TBC1D32: variants seen among roughly 807,000 people sequenced by gnomAD.
TBC1D32 encodes TBC1 domain family member 32.
A neutral mutation model predicts 170.3 loss-of-function variants in TBC1D32; 151 were observed. The observed-to-expected ratio is 0.89, with a 90% CI of 0.78 to 1.01. The LOEUF (loss-of-function observed/expected upper bound fraction) is 1.01, where lower values mean the gene tolerates loss of function less well. Among genes scored for constraint, TBC1D32 ranks in the 50% least tolerant of loss-of-function variants. TBC1D32 has a pLI of 0.00. For synonymous variants in TBC1D32, 498 were observed against 488.0 expected, an observed-to-expected ratio of 1.02 and a Z score of -0.27; for missense variants, 1,464 against 1,457.1, an observed-to-expected ratio of 1.00 and a Z score of -0.08.
At chr6:121,117,115 G>T (rs532650841) in intron 26 of TBC1D32, among the ~76,000 whole-genome samples, 1 of 152,114 alleles carries the variant, frequency 6.6e-6, no homozygotes, top group African/African-American at 2.4e-5. Flanking sequence ...ACATTTGAAG[G>T]AATAAAAGTT....
chr6:121,174,012 A>C (rs959936075), intron 22 of TBC1D32, among the ~76,000 whole-genome samples: 1 of 152,166 alleles, frequency 6.6e-6, no homozygotes, highest in Non-Finnish European at 1.5e-5. Flanking sequence ...CTATGAATTA[A>C]ACAAGTTTGA....
At chr6:121,119,161 A>G (rs1429126021) in intron 26 of TBC1D32, among the ~76,000 whole-genome samples, 1 of 152,202 alleles carries the variant, frequency 6.6e-6, no homozygotes, top group Non-Finnish European at 1.5e-5. Context: ...ATTGACAATT[A>G]CCAAATTCAA....
chr6:121,256,546 C>A (rs1398974010), intron 15 of TBC1D32, among the ~76,000 whole-genome samples: 1 of 152,128 alleles, frequency 6.6e-6, no homozygotes, highest in Non-Finnish European at 1.5e-5. Flanking sequence ...GAGACCACAG[C>A]CATGTAGATA....
intron 20 of TBC1D32, among the ~76,000 whole-genome samples, chr6:121,238,490 T>C (rs886434180): frequency 1.4e-4 from 21 of 152,122 alleles, no homozygotes; most frequent in African/African-American, 4.1e-4. Flanking sequence ...TGAATAAAAA[T>C]TGTCTAAGCT....
intron 15 of TBC1D32, among the ~76,000 whole-genome samples, chr6:121,257,494 G>A (rs4946552): frequency 6.6e-6 from 1 of 151,970 alleles, no homozygotes; most frequent in African/African-American, 2.4e-5. Context: ...TCTGATTATA[G>A]CATTTAGTTT....
intron 24 of TBC1D32, among the ~76,000 whole-genome samples, chr6:121,149,805 T>C (rs915545803): frequency 2.0e-5 from 3 of 152,192 alleles, no homozygotes; most frequent in Admixed American, 1.3e-4. Flanking sequence ...AAGTCAATGG[T>C]AGCCTGATGG....
intron 2 of TBC1D32, among the ~76,000 whole-genome samples, chr6:121,319,057 A>T (rs185004457): frequency 6.7e-6 from 1 of 149,674 alleles, no homozygotes; most frequent in African/African-American, 2.4e-5. Flanking sequence ...TTTAAAATAT[A>T]TTAATATATT....
At chr6:121,223,676 A>G (rs912464185) in intron 20 of TBC1D32, among the ~76,000 whole-genome samples, 1 of 152,112 alleles carries the variant, frequency 6.6e-6, no homozygotes, top group Non-Finnish European at 1.5e-5. Context: ...TTGCACTTTC[A>G]TATCCAATAT....
intron 31 of TBC1D32, among the ~76,000 whole-genome samples, chr6:121,087,371 A>G (rs1384458285): frequency 6.6e-6 from 1 of 152,194 alleles, no homozygotes; most frequent in Non-Finnish European, 1.5e-5. Context: ...CTCTTTAGTG[A>G]CCTATTAGAA....
At chr6:121,309,861 C>T (rs1307769666) in intron 4 of TBC1D32, among the ~76,000 whole-genome samples, 1 of 151,970 alleles carries the variant, frequency 6.6e-6, no homozygotes, top group Admixed American at 6.6e-5. Flanking sequence ...TGACAAAACC[C>T]CATCTGTACA....
chr6:121,321,567 T>A (rs1434552342), intron 2 of TBC1D32, 66 bp downstream of exon 2: 5 of 1,460,376 alleles, frequency 3.4e-6, no homozygotes, highest in Non-Finnish European at 4.7e-6. Flanking sequence ...GGGACAGAGA[T>A]CAGGGTGCTG....
rs116383281 is a variant in TBC1D32, at chr6:121,283,718, T to C, written c.1465+100A>G. On this transcript the variant is annotated intron_variant, in intron 13 of 31. Coordinates refer to ENST00000398212, the MANE Select transcript of TBC1D32 (RefSeq NM_152730.6). Reference sequence around the variant, plus strand: ...AATACTGTATCTTAATGAAACCTACTTACCAAAGTAGGTCAGGCACTCAAA... The same window carrying C: ...AATACTGTATCTTAATGAAACCTACCTACCAAAGTAGGTCAGGCACTCAAA... 2.1e-3 allele frequency: 1,722 copies of C among 816,626 alleles called. 29 individuals are homozygous for C. In the African/African-American group the frequency reaches 0.027, roughly 13 times the overall value. 50.6% of individuals were successfully genotyped at this position (816,626 alleles called of 1,614,324 possible). A position where few individuals can be genotyped will look rare whatever the true frequency, so the allele number is the denominator to read the frequency against.
At chr6:121,293,134 C>CAA (rs111705802) in intron 11 of TBC1D32, among the ~76,000 whole-genome samples, 81 of 126,288 alleles carry the variant, frequency 6.4e-4, no homozygotes, top group African/African-American at 2.0e-3. Context: ...AAAAACATGG[C>CAA]AAAAAAAAAA....
chr6:121,209,696 A>C (rs768235308), intron 21 of TBC1D32, among the ~76,000 whole-genome samples: 4 of 152,204 alleles, frequency 2.6e-5, no homozygotes, highest in Non-Finnish European at 5.9e-5. Flanking sequence ...CCAGGAAACT[A>C]ATGCAGGCAG....
chr6:121,240,705 T>C (rs1234521764), intron 19 of TBC1D32, among the ~76,000 whole-genome samples: 2 of 151,718 alleles, frequency 1.3e-5, no homozygotes, highest in African/African-American at 2.4e-5. Flanking sequence ...CTGGCCAACA[T>C]GGTGAAACCC....
At chr6:121,285,757 C>A (rs1252928124) in intron 12 of TBC1D32, among the ~76,000 whole-genome samples, 9 of 152,130 alleles carry the variant, frequency 5.9e-5, no homozygotes, top group Admixed American at 5.9e-4. Flanking sequence ...CAGACTGACA[C>A]CTCACACGGC....
At chr6:121,241,637 C>T (rs1046387832) in intron 18 of TBC1D32, 85 bp from the exon 19 acceptor site, 2 of 1,057,804 alleles carry the variant, frequency 1.9e-6, no homozygotes, top group Non-Finnish European at 2.9e-6. Context: ...GTAAGAACTG[C>T]AAAAACAAAC....
At chr6:121,287,353 C>T (rs573654442) in intron 12 of TBC1D32, among the ~76,000 whole-genome samples, 186 of 152,114 alleles carry the variant, frequency 1.2e-3, no homozygotes, top group Non-Finnish European at 1.9e-3. Flanking sequence ...GGTTGCAATC[C>T]TAGTCTCTAA....
chr6:121,153,148 T>A (rs913826316), intron 24 of TBC1D32, among the ~76,000 whole-genome samples: 2 of 152,182 alleles, frequency 1.3e-5, no homozygotes, highest in Admixed American at 1.3e-4. Context: ...TTATCTACCT[T>A]TGGTCTTTGC....
Sources: gnomAD v4.1 joint callset for allele counts (sites outside exome capture counted in the v4.1 genomes callset) on GRCh38, gnomAD v4.1.1 for gene constraint, MANE v1.5 for transcripts, NCBI Gene and HGNC (gene_info 2026-07-23, HGNC 2026-07-21) for gene names.